The following C1orf52 variants were observed in gnomAD, a reference collection of about 807,000 sequenced individuals.
C1orf52 encodes UPF0690 protein C1orf52.
A neutral mutation model predicts 17.2 loss-of-function variants in C1orf52; 5 were observed. That is an observed-to-expected ratio of 0.29 (90% CI 0.15 to 0.61). The LOEUF is 0.61. Ranked by LOEUF, C1orf52 falls within the 20% of genes least tolerant of loss-of-function variation. The probability of loss-of-function intolerance (pLI) is 0.85; values close to 1 mark genes in which losing one functional copy is unlikely to be tolerated. For synonymous variants in C1orf52, 110 were observed against 88.0 expected, an observed-to-expected ratio of 1.25 and a Z score of -1.40; for missense variants, 245 against 234.1, an observed-to-expected ratio of 1.05 and a Z score of -0.30.
Position 85,258,905 on chromosome 1 carries a change from A to G in C1orf52, c.277-183T>C, listed in dbSNP as rs1660017501. ...TAAGTGAAAAGCCAAAGGGTTCCCT[A>G]TATGAATAAAGCTAATAACTTTTAG... On this transcript the variant is annotated intron_variant, in intron 1 of 2. Transcript: ENST00000471115. 2.8e-6 allele frequency: 4 copies of G among 1,429,356 alleles called. No homozygotes were observed. The African/African-American group carries it at 4.3e-5, about 15-fold the overall frequency. 88.5% of individuals were successfully genotyped at this position (1,429,356 alleles called of 1,614,324 possible). A position where few individuals can be genotyped will look rare whatever the true frequency, so the allele number is the denominator to read the frequency against.
chr1:85,257,745 T>C (rs1659980221), intron 2 of C1orf52, among the ~76,000 whole-genome samples: 1 of 152,202 alleles, frequency 6.6e-6, no homozygotes. Context: ...TACTATGTAG[T>C]AATGCTCAGT....
rs554985819 is a variant in C1orf52, at chr1:85,259,497, C to T, written c.137G>A (p.Gly46Asp). Residue 46 changes from glycine to aspartate, a missense_variant, in exon 1 of 3, where the codon GGC becomes GAC. Gly to Asp is a moderately conservative substitution (Grantham distance 94). Transcript: ENST00000471115. Reference sequence around the variant, plus strand: ...CTTCTCCGCCTTGTTCCTACAGCCGCCCGCCGACTTCGCCGGATCCGGGGT... The same window carrying T: ...CTTCTCCGCCTTGTTCCTACAGCCGTCCGCCGACTTCGCCGGATCCGGGGT... ...RRTPDPAKSA[G>D]GCRNKAEKRL... 1 of 1,613,918 alleles carries T rather than the reference C, an allele frequency of 6.2e-7. No individual in the cohort carries two copies. Among genetic ancestry groups the T allele is most frequent in the East Asian group, 2.2e-5 (1 of 44,870 alleles).
In C1orf52 at chr1:85,259,358, C is replaced by T. The variant is rs780019310; in HGVS notation, c.276G>A (p.Glu92=). 6.2e-7 allele frequency: 1 copy of T among 1,608,618 alleles called. No individual in the cohort carries two copies. Among genetic ancestry groups the T allele is most frequent in the Non-Finnish European group, 8.5e-7 (1 of 1,175,456 alleles). Residue 92 remains glutamate (E), a splice_region_variant and synonymous_variant, in exon 1 of 3, where the codon GAG becomes GAA. Transcript: ENST00000471115. ...CGAGAAACGGGGTCGGGGACCTCACCTCCTCAGGCGCCTTGACGACGTGCC... is the reference window on the plus strand; with the variant it reads ...CGAGAAACGGGGTCGGGGACCTCACTTCCTCAGGCGCCTTGACGACGTGCC... ...WERHVVKAPE[E]PPKEFKIWKS...
In C1orf52 at chr1:85,252,595, A is replaced by G. The variant is rs1659825925; in HGVS notation, c.*34T>C. 6.4e-7 allele frequency: 1 copy of G among 1,552,322 alleles called. No homozygotes were observed. Among genetic ancestry groups the G allele is most frequent in the Admixed American group, 1.7e-5 (1 of 59,452 alleles). On this transcript the variant is annotated 3_prime_UTR_variant, in exon 3 of 3. Coordinates refer to ENST00000471115, the MANE Select transcript of C1orf52 (RefSeq NM_198077.4). ...ATCTGTCCAAAGAAACATTTCAACA[A>G]GTTTAGCAGTACAGAAATTCTGGTC...
rs981795488 is a variant in C1orf52 at position 85,251,134 on chromosome 1, T to C, written c.*1495A>G. ...TGATACACATGCCTAGGTAAACAAA[T>C]CTCGCGTAATTGTTCAAATTTTATC... On this transcript the variant is annotated 3_prime_UTR_variant, in exon 3 of 3. Coordinates refer to ENST00000471115, the MANE Select transcript of C1orf52 (RefSeq NM_198077.4). The C allele has an allele frequency of 6.6e-6, 1 of 152,136 alleles. No individual in the cohort carries two copies. The highest frequency in any genetic ancestry group is 1.5e-5 in the Non-Finnish European group (1 of 68,024). The allele number at this position is 152,136 out of a possible 1,614,324, so 9.4% of individuals were successfully genotyped here.
chr1:85,256,254 T>C (rs375652084), intron 2 of C1orf52, among the ~76,000 whole-genome samples: 1 of 152,222 alleles, frequency 6.6e-6, no homozygotes, highest in African/African-American at 2.4e-5. Flanking sequence ...GTGAATGAAT[T>C]TGGGTAAAGT....
At chr1:85,258,782 G>A in intron 1 of C1orf52, 60 bp from the exon 2 acceptor site, 1 of 1,475,862 alleles carries the variant, frequency 6.8e-7, no homozygotes. Flanking sequence ...GATGGACGTG[G>A]GCACATGCAA....
intron 2 of C1orf52, 142 bp downstream of exon 2, chr1:85,258,382 A>G (rs1043815183): frequency 1.2e-6 from 1 of 812,776 alleles, no homozygotes. Flanking sequence ...TCTTTCTCAA[A>G]AGCAGAGCAG....
chr1:85,258,695 A>C lies in C1orf52; in HGVS notation c.304T>G (p.Ser102Ala), dbSNP rs1456104852. The change falls in exon 2 of 3, where the codon TCA becomes GCA. Residue 102 changes from serine to alanine, a missense_variant. Physicochemically the swap from Ser to Ala is moderately conservative, Grantham distance 99 (BLOSUM62 1). Coordinates refer to ENST00000471115, the MANE Select transcript of C1orf52 (RefSeq NM_198077.4). ...GTCTCAGGAGGTGGTACATAATTTG[A>C]CTTCCATATTTTGAATTCCTTTGGA... Reference protein sequence around the residue: ...EPPKEFKIWKSNYVPPPETYT... With the variant: ...EPPKEFKIWKANYVPPPETYT... 13 of 1,611,212 alleles carry C rather than the reference A, an allele frequency of 8.1e-6. No homozygotes were observed. The highest frequency in any genetic ancestry group is 1.1e-5 in the Non-Finnish European group (13 of 1,179,542).
chr1:85,259,438 C>G lies in C1orf52; in HGVS notation c.196G>C (p.Val66Leu), dbSNP rs1312685182. Residue 66 changes from valine to leucine, a missense_variant, in exon 1 of 3, where the codon GTG becomes CTG. By Grantham distance (32) the Val-to-Leu change is conservative. Transcript: ENST00000471115. ...TTGTAGAGAAAGGCCGGGCGAGTCA[C>G]GCTCCTAAACAGCTCGTCAGGTCCC... ...LPGPDELFRS[V>L]TRPAFLYNPL... The G allele has an allele frequency of 6.2e-7, 1 of 1,613,952 alleles. No homozygotes were observed. The highest frequency in any genetic ancestry group is 8.5e-7 in the Non-Finnish European group (1 of 1,180,036).
In C1orf52 at chr1:85,252,714, AAAGG is replaced by A. The variant is rs758416991; in HGVS notation, c.476-16_476-13del. On this transcript the variant is annotated splice_polypyrimidine_tract_variant and intron_variant, in intron 2 of 2. Transcript: ENST00000471115. ...ATCTTTTTCATCATCTTTAAATAGA[AAAGG>A]AAGAGTTTCAATCAGTAATTTTAAA... The A allele has an allele frequency of 1.8e-5, 28 of 1,596,232 alleles. No homozygotes were observed. The South Asian group carries it at 1.8e-4, about 10-fold the overall frequency.
rs565424846 is a variant in C1orf52, at chr1:85,256,416, G to A, written c.475+2108C>T. ...TTTTCTAGTTTGTGACCTTGGACAA[G>A]TTATGTAAGCTATCATTTCCACATT... On this transcript the variant is annotated intron_variant, in intron 2 of 2. Transcript: ENST00000471115. Among the ~76,000 whole-genome samples the A allele has an allele frequency of 5.3e-5, 8 of 152,330 alleles. No homozygotes were observed. The South Asian group carries it at 1.7e-3, about 32-fold the overall frequency.
rs181977100 is a variant in C1orf52, at chr1:85,250,874, G to T, written c.*1755C>A. ...CCACTCCTTAGTATATGATACCACA[G>T]ATTTCCAAATTCATTACAAAGACTA... On this transcript the variant is annotated 3_prime_UTR_variant, in exon 3 of 3. Transcript: ENST00000471115. 1 of 152,296 alleles carries T rather than the reference G, an allele frequency of 6.6e-6. No individual in the cohort carries two copies. Among genetic ancestry groups the T allele is most frequent in the East Asian group, 1.9e-4 (1 of 5,188 alleles). 9.4% of individuals were successfully genotyped at this position (152,296 alleles called of 1,614,324 possible).
At chr1:85,256,397 A>G (rs1250668420) in intron 2 of C1orf52, among the ~76,000 whole-genome samples, 1 of 152,224 alleles carries the variant, frequency 6.6e-6, no homozygotes, top group Non-Finnish European at 1.5e-5. Flanking sequence ...GGCATTTTCT[A>G]GTTTGTGACC....
intron 2 of C1orf52, among the ~76,000 whole-genome samples, chr1:85,256,298 C>G (rs72722649): frequency 0.024 from 3,612 of 152,234 alleles, 59 homozygotes; most frequent in South Asian, 0.058. Flanking sequence ...ATCTGTAAAA[C>G]AGTAATAATG....
At chr1:85,256,030 T>A (rs1659929177) in intron 2 of C1orf52, among the ~76,000 whole-genome samples, 1 of 152,220 alleles carries the variant, frequency 6.6e-6, no homozygotes, top group South Asian at 2.1e-4. Context: ...TTTTTCCATA[T>A]AACTACAAAG....
In C1orf52 at chr1:85,252,604, G is replaced by C; in HGVS notation, c.*25C>G. On this transcript the variant is annotated 3_prime_UTR_variant, in exon 3 of 3. Coordinates refer to ENST00000471115, the MANE Select transcript of C1orf52 (RefSeq NM_198077.4). ...AAGAAACATTTCAACAAGTTTAGCA[G>C]TACAGAAATTCTGGTCATTTGTTTC... The C allele has an allele frequency of 6.3e-7, 1 of 1,592,198 alleles. No individual in the cohort carries two copies.
In C1orf52 at chr1:85,252,455, T is replaced by C. The variant is rs1334172804; in HGVS notation, c.*174A>G. ...ACCAGTTGAGTTTTAAATACATACATGTTTTAAATAAAAAAAGAATTCTAT... is the reference window on the plus strand; with the variant it reads ...ACCAGTTGAGTTTTAAATACATACACGTTTTAAATAAAAAAAGAATTCTAT... On this transcript the variant is annotated 3_prime_UTR_variant, in exon 3 of 3. Coordinates refer to ENST00000471115, the MANE Select transcript of C1orf52 (RefSeq NM_198077.4). 2 of 565,316 alleles carry C rather than the reference T, an allele frequency of 3.5e-6. No homozygotes were observed. The highest frequency in any genetic ancestry group is 3.1e-6 in the Non-Finnish European group (1 of 322,172). 35.0% of individuals were successfully genotyped at this position (565,316 alleles called of 1,614,324 possible).
chr1:85,256,774 G>C (rs1444857550), intron 2 of C1orf52, among the ~76,000 whole-genome samples: 2 of 133,462 alleles, frequency 1.5e-5, no homozygotes, highest in African/African-American at 5.8e-5. Context: ...ACTCCAGCCT[G>C]GGCGACTGAC....
Sources: allele counts gnomAD v4.1 joint callset (sites outside exome capture counted in the v4.1 genomes callset), GRCh38; gene constraint gnomAD v4.1.1; transcripts MANE v1.5; gene names NCBI Gene and HGNC (gene_info 2026-07-23, HGNC 2026-07-21).